The following ARHGEF17 variants were observed in gnomAD, a reference collection of about 807,000 sequenced individuals.
The protein encoded by ARHGEF17 is Rho guanine nucleotide exchange factor 17.
A neutral mutation model predicts 174.0 loss-of-function variants in ARHGEF17; 80 were observed. The ratio of observed to expected loss-of-function variants is 0.46; its 90% confidence interval spans 0.38 to 0.55. ARHGEF17 has a LOEUF of 0.55. Among genes scored for constraint, ARHGEF17 ranks in the 20% least tolerant of loss-of-function variants. The pLI is 0.00. For missense variants in ARHGEF17, 2,886 were observed against 2,839.7 expected, an observed-to-expected ratio of 1.02 and a Z score of -0.37; for synonymous variants, 1,311 against 1,189.1, an observed-to-expected ratio of 1.10 and a Z score of -2.11.
intron 1 of ARHGEF17, among the ~76,000 whole-genome samples, chr11:73,322,633 C>A (rs930411282): frequency 4.6e-5 from 7 of 152,136 alleles, no homozygotes; most frequent in African/African-American, 1.7e-4. Flanking sequence ...TGTCTGAGGC[C>A]AAGAGGGGCA....
At position 73,308,284 on chromosome 11, in the gene ARHGEF17, G is replaced by A. The variant is rs1212923056; in HGVS notation, c.-355G>A. The A allele has an allele frequency of 8.4e-6, 2 of 238,172 alleles. No homozygotes were observed. The allele number at this position is 238,172 out of a possible 1,614,324, so 14.8% of individuals were successfully genotyped here. A position where few individuals can be genotyped will look rare whatever the true frequency, so the allele number is the denominator to read the frequency against. ...CAAAGTTTATTTGCAACAAAAGGGT[G>A]CCAGGAGCGAGCAGCCAAGGGCGTT... On this transcript the variant is annotated 5_prime_UTR_variant, in exon 1 of 21. Transcript: ENST00000263674.
chr11:73,337,232 G>C (rs1399892448), intron 1 of ARHGEF17, among the ~76,000 whole-genome samples: 10 of 152,010 alleles, frequency 6.6e-5, no homozygotes, highest in Admixed American at 6.6e-4. Context: ...TCAAGACTAG[G>C]CTTAATCTCT....
intron 1 of ARHGEF17, among the ~76,000 whole-genome samples, chr11:73,326,748 AAAAAT>A (rs1481250525): frequency 6.6e-6 from 1 of 152,190 alleles, no homozygotes; most frequent in Non-Finnish European, 1.5e-5. Flanking sequence ...ATAAATGAAT[AAAAAT>A]AAAAATAGTG....
intron 1 of ARHGEF17, 80 bp from the exon 2 acceptor site, chr11:73,346,803 C>A: frequency 8.5e-7 from 1 of 1,181,256 alleles, no homozygotes; most frequent in Non-Finnish European, 1.1e-6. Flanking sequence ...TGGGCGGGTT[C>A]TCTGGGCACC....
Position 73,357,124 on chromosome 11 carries a change from T to C in ARHGEF17, c.3991T>C (p.Ser1331Pro). Residue 1331 changes from serine to proline, a missense_variant, in exon 8 of 21, where the codon TCC (serine) becomes CCC (proline). Ser to Pro is a moderately conservative substitution (Grantham distance 74). Around this residue, in one of 4 missense-constraint regions of ARHGEF17, gnomAD observed 353 missense variants for 470.3 expected, o/e 0.75. Coordinates refer to ENST00000263674, the MANE Select transcript of ARHGEF17 (RefSeq NM_014786.4). ...AAAGTCAGGCTCCCTGCGGCGCAGC[T>C]CCATGAGCCTGTGAGTGGCTGGGCC... is the stretch of plus-strand genomic sequence containing the variant. Reference protein sequence around the residue: ...KRKSGSLRRSSMSLYTAASVI... With the variant: ...KRKSGSLRRSPMSLYTAASVI... 1 of 1,614,056 alleles carries C rather than the reference T, an allele frequency of 6.2e-7. No individual in the cohort carries two copies. Among genetic ancestry groups the C allele is most frequent in the Non-Finnish European group, 8.5e-7 (1 of 1,179,974 alleles).
intron 3 of ARHGEF17, among the ~76,000 whole-genome samples, chr11:73,353,766 G>T (rs1865593389): frequency 6.6e-6 from 1 of 152,158 alleles, no homozygotes; most frequent in African/African-American, 2.4e-5. Flanking sequence ...CTTAGAAAAG[G>T]TATTGACTTC....
In ARHGEF17 at chr11:73,309,205, C is replaced by G. The variant is rs758449798; in HGVS notation, c.567C>G (p.Thr189=). Residue 189 remains threonine (T), a synonymous_variant, in exon 1 of 21, where the codon ACC becomes ACG. Coordinates refer to ENST00000263674, the MANE Select transcript of ARHGEF17 (RefSeq NM_014786.4). ...GTCTGCGTTCGGCGCGGCCCCTGAC[C>G]GGGCCGGAGACCGAAGGGAGGCTGC... ...LAGLRSARPL[T]GPETEGRLRR... is the part of the protein sequence containing the mutation. 1.9e-6 allele frequency: 3 copies of G among 1,595,456 alleles called. No individual in the cohort carries two copies. The highest frequency in any genetic ancestry group is 2.6e-6 in the Non-Finnish European group (3 of 1,171,200).
chr11:73,331,781 C>T (rs57893472), intron 1 of ARHGEF17, among the ~76,000 whole-genome samples: 25,145 of 152,104 alleles, frequency 0.17, 2,938 homozygotes, highest in African/African-American at 0.33. Context: ...ACAAGAGAGC[C>T]ACCTGGAAAA....
Position 73,367,615 on chromosome 11 carries a change from G to A in ARHGEF17, c.6027G>A (p.Arg2009=). The A allele has an allele frequency of 6.2e-7, 1 of 1,613,654 alleles. No homozygotes were observed. Among genetic ancestry groups the A allele is most frequent in the Non-Finnish European group, 8.5e-7 (1 of 1,179,824 alleles). The change falls in exon 21 of 21, where the codon CGG becomes CGA. Residue 2009 remains arginine, a synonymous_variant. Transcript: ENST00000263674. The part of the protein sequence containing the change: ...GPEKLPSLEH[R]DSPWHRGPAP... Reference sequence around the variant, plus strand: ...AGAAGCTGCCATCACTGGAGCACCGGGACTCCCCTTGGCACCGAGGCCCCG... The same window carrying A: ...AGAAGCTGCCATCACTGGAGCACCGAGACTCCCCTTGGCACCGAGGCCCCG...
intron 1 of ARHGEF17, among the ~76,000 whole-genome samples, chr11:73,331,218 A>T (rs58053874): frequency 0.06 from 9,076 of 152,196 alleles, 959 homozygotes; most frequent in African/African-American, 0.21. Context: ...CTATCCATCA[A>T]AGGGAGCACT....
intron 1 of ARHGEF17, among the ~76,000 whole-genome samples, chr11:73,322,365 CT>C (rs1339298682): frequency 6.6e-6 from 1 of 152,206 alleles, no homozygotes; most frequent in Non-Finnish European, 1.5e-5. Context: ...TGGAAAGACT[CT>C]TAGAAACCAG....
chr11:73,344,466 C>T (rs2134409743), intron 1 of ARHGEF17, among the ~76,000 whole-genome samples: 1 of 152,360 alleles, frequency 6.6e-6, no homozygotes, highest in East Asian at 1.9e-4. Flanking sequence ...ACAGCGCCAG[C>T]CCTGCCTCTC....
intron 1 of ARHGEF17, among the ~76,000 whole-genome samples, chr11:73,332,192 AC>A (rs1207885863): frequency 1.3e-5 from 2 of 152,090 alleles, no homozygotes; most frequent in Non-Finnish European, 2.9e-5. Flanking sequence ...TATATTCTCT[AC>A]TTTATAGATG....
In ARHGEF17 at chr11:73,365,885, C is replaced by T. The variant is rs1865829399; in HGVS notation, c.5933C>T (p.Ala1978Val). The T allele has an allele frequency of 6.2e-7, 1 of 1,610,420 alleles. No homozygotes were observed. Among genetic ancestry groups the T allele is most frequent in the South Asian group, 1.1e-5 (1 of 91,084 alleles). ...GHTGHVRFLA[A>V]VQLPDGFNLL... is the part of the protein sequence containing the mutation. ...ACCGGCCACGTCCGCTTCTTGGCTG[C>T]AGTCCAGCTGCCAGATGGCTTCAAC... The change falls in exon 20 of 21, where the codon GCA (alanine) becomes GTA (valine). Residue 1978 changes from alanine (A) to valine (V), a missense_variant. Ala to Val is a moderately conservative substitution (Grantham distance 64). Coordinates refer to ENST00000263674, the MANE Select transcript of ARHGEF17 (RefSeq NM_014786.4). This position sits in a 1 kb window ranked among gnomAD's most constrained non-coding sequence, Gnocchi z 4.9.
intron 1 of ARHGEF17, among the ~76,000 whole-genome samples, chr11:73,321,805 G>A (rs1012051265): frequency 3.9e-5 from 6 of 152,198 alleles, no homozygotes; most frequent in African/African-American, 1.4e-4. Context: ...GTGATCCTGA[G>A]ACTCTGGGGT....
At position 73,310,531 on chromosome 11, in the gene ARHGEF17, G is replaced by A. The variant is rs760843345; in HGVS notation, c.1893G>A (p.Arg631=). Residue 631 remains arginine (R), a synonymous_variant, in exon 1 of 21, where the codon CGG becomes CGA. Coordinates refer to ENST00000263674, the MANE Select transcript of ARHGEF17 (RefSeq NM_014786.4). ...DWAGDVTRGQ[R]SQEELSGPES... The stretch of plus-strand genomic sequence containing the variant: ...CAGGGGATGTGACCCGAGGGCAGCG[G>A]TCCCAGGAGGAGCTCTCAGGCCCTG... 6.2e-7 allele frequency: 1 copy of A among 1,614,006 alleles called. No individual in the cohort carries two copies. The highest frequency in any genetic ancestry group is 2.2e-5 in the East Asian group (1 of 44,888).
At chr11:73,363,632 C>A in intron 15 of ARHGEF17, 115 bp from the exon 16 acceptor site, 1 of 1,507,160 alleles carries the variant, frequency 6.6e-7, no homozygotes, top group South Asian at 1.2e-5. Flanking sequence ...ACCTCAGTAC[C>A]TTGGGCAGGC....
rs1210834479 is a variant in ARHGEF17 at position 73,311,646 on chromosome 11, T to G, written c.3008T>G (p.Leu1003Arg). ...RAHPTLQAPS[L>R]EDVTKQYMLN... ...CATCCCACGTTGCAGGCACCATCGCTCGAGGACGTCACCAAGCAGTACATG... is the reference window on the plus strand; with the variant it reads ...CATCCCACGTTGCAGGCACCATCGCGCGAGGACGTCACCAAGCAGTACATG... The change falls in exon 1 of 21, where the codon CTC becomes CGC. Residue 1003 changes from leucine to arginine, a missense_variant. Physicochemically the swap from Leu to Arg is moderately radical, Grantham distance 102. Coordinates refer to ENST00000263674, the MANE Select transcript of ARHGEF17 (RefSeq NM_014786.4). 1 of 1,613,310 alleles carries G rather than the reference T, an allele frequency of 6.2e-7. No homozygotes were observed. Among genetic ancestry groups the G allele is most frequent in the South Asian group, 1.1e-5 (1 of 91,082 alleles).
At chr11:73,329,655 C>T (rs1329277039) in intron 1 of ARHGEF17, among the ~76,000 whole-genome samples, 1 of 152,060 alleles carries the variant, frequency 6.6e-6, no homozygotes, top group Non-Finnish European at 1.5e-5. Flanking sequence ...CTGCCTCAGC[C>T]TCCCAAAGTG....
Sources: allele counts gnomAD v4.1 joint callset (sites outside exome capture counted in the v4.1 genomes callset), GRCh38; gene constraint gnomAD v4.1.1; regional missense constraint gnomAD v4.1.1; non-coding constraint Gnocchi (gnomAD v3.1); transcripts MANE v1.5; gene names NCBI Gene and HGNC (gene_info 2026-07-23, HGNC 2026-07-21).